Variants in DPYD observed in about 807,000 individuals in gnomAD.
The protein encoded by DPYD is dihydropyrimidine dehydrogenase, also known as dihydropyrimidine dehydrogenase [NADP(+)].
DPYD carries 109 observed loss-of-function variants against 116.2 expected under a neutral mutation model. That is an observed-to-expected ratio of 0.94 (90% CI 0.80 to 1.10). The LOEUF is 1.10. Among genes scored for constraint, DPYD ranks in the 50% least tolerant of loss-of-function variants. DPYD has a pLI of 0.00. For missense variants in DPYD, 1,302 were observed against 1,254.5 expected (o/e 1.04, Z -0.57); for synonymous variants, 440 against 432.0 (o/e 1.02, Z -0.23).
At chr1:97,801,418 C>T (rs984912084) in intron 3 of DPYD, among the ~76,000 whole-genome samples, 3 of 151,876 alleles carry the variant, frequency 2.0e-5, no homozygotes, top group Non-Finnish European at 4.4e-5. Context: ...CAAATGGATA[C>T]AGCTTATGTC....
intron 8 of DPYD, among the ~76,000 whole-genome samples, chr1:97,678,034 T>C (rs1288075326): frequency 2.6e-5 from 4 of 152,098 alleles, no homozygotes; most frequent in African/African-American, 7.2e-5. Context: ...AACACAGTGG[T>C]CCCCAACCTT....
intron 16 of DPYD, among the ~76,000 whole-genome samples, chr1:97,351,014 A>T (rs1468760798): frequency 6.6e-6 from 1 of 152,138 alleles, no homozygotes; most frequent in Admixed American, 6.5e-5. Context: ...AATCTGTGGG[A>T]GGTTTGCTGA....
In DPYD at chr1:97,102,459, T is replaced by TATC. The variant is rs71071629; in HGVS notation, c.2623-3828_2623-3827insGAT. Among the ~76,000 whole-genome samples, 7 of 125,100 alleles carry TATC rather than the reference T, an allele frequency of 5.6e-5. No individual in the cohort carries two copies. In the East Asian group the frequency reaches 1.7e-3, roughly 30 times the overall value. 82.1% of individuals were successfully genotyped at this position (125,100 alleles called of 152,430 possible). A position where few individuals can be genotyped will look rare whatever the true frequency, so the allele number is the denominator to read the frequency against. ...TTATTCAGTATAAACCTGAAATCTATTATCTATCTATCTATCTATCTATCT... is the reference window on the plus strand; with the variant it reads ...TTATTCAGTATAAACCTGAAATCTATATCTATCTATCTATCTATCTATCTATCT... On this transcript the variant is annotated intron_variant, in intron 20 of 22. Coordinates refer to ENST00000370192, the MANE Select transcript of DPYD (RefSeq NM_000110.4).
chr1:97,588,897 C>T (rs1031819820), intron 10 of DPYD, among the ~76,000 whole-genome samples: 1 of 152,120 alleles, frequency 6.6e-6, no homozygotes, highest in Non-Finnish European at 1.5e-5. Context: ...TGGAAAGTAC[C>T]TCCACACAGC....
chr1:97,093,120 T>C (rs1002644547), intron 21 of DPYD, among the ~76,000 whole-genome samples: 7 of 152,166 alleles, frequency 4.6e-5, no homozygotes, highest in African/African-American at 1.7e-4. Flanking sequence ...ACAGATTCTA[T>C]ATATCTTGCA....
chr1:97,293,693 G>A (rs1281515055), intron 18 of DPYD, among the ~76,000 whole-genome samples: 1 of 152,198 alleles, frequency 6.6e-6, no homozygotes, highest in Non-Finnish European at 1.5e-5. Context: ...TGTAATCTCA[G>A]CACTTTGTGG....
At chr1:97,100,933 C>T (rs1473623319) in intron 20 of DPYD, among the ~76,000 whole-genome samples, 1 of 151,864 alleles carries the variant, frequency 6.6e-6, no homozygotes, top group East Asian at 1.9e-4. Context: ...CACAGCCTTC[C>T]CCTGGCTAAC....
intron 1 of DPYD, among the ~76,000 whole-genome samples, chr1:97,888,918 G>A (rs1435466915): frequency 6.6e-6 from 1 of 152,094 alleles, no homozygotes; most frequent in Non-Finnish European, 1.5e-5. Flanking sequence ...AACACTTTGG[G>A]AGTCCAAGGC....
chr1:97,871,539 C>A (rs1056188297), intron 2 of DPYD, among the ~76,000 whole-genome samples: 1 of 149,164 alleles, frequency 6.7e-6, no homozygotes, highest in Non-Finnish European at 1.5e-5. Context: ...AAAAATTCTC[C>A]AAGACCAAGG....
At chr1:97,294,136 C>A (rs1281136697) in intron 18 of DPYD, among the ~76,000 whole-genome samples, 2 of 152,100 alleles carry the variant, frequency 1.3e-5, no homozygotes, top group Non-Finnish European at 2.9e-5. Context: ...CAGTCATCAA[C>A]CGAATGTGCT....
At chr1:97,883,574 G>C (rs1292399569) in intron 1 of DPYD, among the ~76,000 whole-genome samples, 200 bp from the exon 2 acceptor site, 1 of 151,874 alleles carries the variant, frequency 6.6e-6, no homozygotes, top group Non-Finnish European at 1.5e-5. Context: ...AGTCTCCCAA[G>C]TAGCTCGGAC....
At chr1:97,831,577 T>C (rs866154107) in intron 2 of DPYD, among the ~76,000 whole-genome samples, 9 of 152,198 alleles carry the variant, frequency 5.9e-5, no homozygotes, top group South Asian at 4.2e-4. Context: ...CTTTACAGGA[T>C]AGGAAAGTTC....
chr1:97,740,295 T>C lies in DPYD; in HGVS notation c.321+97A>G, dbSNP rs1319387802. 2.9e-6 allele frequency: 3 copies of C among 1,023,190 alleles called. No homozygotes were observed. In the East Asian group the frequency reaches 7.3e-5, roughly 25 times the overall value. The allele number at this position is 1,023,190 out of a possible 1,614,324, so 63.4% of individuals were successfully genotyped here. On this transcript the variant is annotated intron_variant, in intron 4 of 22. Coordinates refer to ENST00000370192, the MANE Select transcript of DPYD (RefSeq NM_000110.4). ...TAGAAGTCATATTTAATGGTTTAACTGGATTTGCTAAGACAAGCTGTATTC... is the reference window on the plus strand; with the variant it reads ...TAGAAGTCATATTTAATGGTTTAACCGGATTTGCTAAGACAAGCTGTATTC...
intron 5 of DPYD, chr1:97,720,604 G>A: frequency 8.6e-7 from 1 of 1,159,946 alleles, no homozygotes; most frequent in Non-Finnish European, 1.1e-6. Context: ...ATTACTAAGA[G>A]CAAAGTGAGA....
rs953532017 is a variant in DPYD, at chr1:97,371,326, T to C, written c.2058+2235A>G. ...GCAAATATTAATCAGGCTCTGACCATGCATGCAGCTCTGTGCTTAGCACAT... is the reference window on the plus strand; with the variant it reads ...GCAAATATTAATCAGGCTCTGACCACGCATGCAGCTCTGTGCTTAGCACAT... On this transcript the variant is annotated intron_variant, in intron 16 of 22. Transcript: ENST00000370192. Among the ~76,000 whole-genome samples, 4 of 152,312 alleles carry C rather than the reference T, an allele frequency of 2.6e-5. No individual in the cohort carries two copies. In the East Asian group the frequency reaches 5.8e-4, roughly 22 times the overall value.
At chr1:97,515,539 T>C (rs1448220860) in intron 13 of DPYD, among the ~76,000 whole-genome samples, 187 bp downstream of exon 13, 3 of 151,936 alleles carry the variant, frequency 2.0e-5, no homozygotes, top group Non-Finnish European at 4.4e-5. Flanking sequence ...ATGAGCAATA[T>C]ATGCCTGCCC....
At chr1:97,256,315 T>C (rs1269009064) in intron 18 of DPYD, among the ~76,000 whole-genome samples, 1 of 152,100 alleles carries the variant, frequency 6.6e-6, no homozygotes. Flanking sequence ...TCTCTCTTTC[T>C]TTTATATTTC....
At chr1:97,834,282 T>C (rs1283753144) in intron 2 of DPYD, among the ~76,000 whole-genome samples, 1 of 152,096 alleles carries the variant, frequency 6.6e-6, no homozygotes. Flanking sequence ...CATTCATTCA[T>C]TCATTCAATA....
intron 12 of DPYD, among the ~76,000 whole-genome samples, chr1:97,532,102 G>A (rs1649668706): frequency 6.6e-6 from 1 of 151,924 alleles, no homozygotes; most frequent in African/African-American, 2.4e-5. Flanking sequence ...TGATATGGAT[G>A]CCTTTTATTT....
Sources: gnomAD v4.1 joint callset for allele counts (sites outside exome capture counted in the v4.1 genomes callset) on GRCh38, gnomAD v4.1.1 for gene constraint, MANE v1.5 for transcripts, NCBI Gene and HGNC (gene_info 2026-07-23, HGNC 2026-07-21) for gene names.